SPAG16: variants seen among roughly 807,000 people sequenced by gnomAD.
SPAG16 encodes the protein sperm-associated antigen 16 protein.
A neutral mutation model predicts 80.4 loss-of-function variants in SPAG16; 86 were observed. That is an observed-to-expected ratio of 1.07 (90% CI 0.90 to 1.28). The LOEUF is 1.28. SPAG16 is among the 50% of genes most tolerant of loss of function. The probability of loss-of-function intolerance (pLI) is 0.00; values close to 1 mark genes in which losing one functional copy is unlikely to be tolerated. For synonymous variants in SPAG16, 294 were observed against 265.9 expected (o/e 1.11, Z -1.03); for missense variants, 870 against 765.3 (o/e 1.14, Z -1.61).
intron 10 of SPAG16, among the ~76,000 whole-genome samples, chr2:213,780,571 CTT>C (rs367744311): frequency 4.8e-5 from 6 of 124,600 alleles, no homozygotes; most frequent in Non-Finnish European, 8.2e-5. Flanking sequence ...TCTTTTCTTT[CTT>C]TTTTTTTTTT....
At chr2:214,095,253 T>C (rs1459361432) in intron 13 of SPAG16, among the ~76,000 whole-genome samples, 3 of 152,112 alleles carry the variant, frequency 2.0e-5, no homozygotes, top group Non-Finnish European at 4.4e-5. Flanking sequence ...GGTTGTTTTT[T>C]ATCTTTTTTC....
chr2:213,337,804 G>A (rs576326924), intron 5 of SPAG16, among the ~76,000 whole-genome samples: 1 of 148,644 alleles, frequency 6.7e-6, no homozygotes, highest in Non-Finnish European at 1.5e-5. Context: ...ACACACTTCA[G>A]GATATCATCC....
rs144545669 is a variant in SPAG16 at position 213,399,241 on chromosome 2, G to A, written c.942+24122G>A. Among the ~76,000 whole-genome samples, 463 of 152,108 alleles carry A rather than the reference G, an allele frequency of 3.0e-3. 1 individual carries two copies. Among genetic ancestry groups the A allele is most frequent in the Non-Finnish European group, 5.3e-3 (358 of 67,914 alleles). On this transcript the variant is annotated intron_variant, in intron 9 of 15. Coordinates refer to ENST00000331683, the MANE Select transcript of SPAG16 (RefSeq NM_024532.5). ...CATCTGATGTTTCAACACAAGGAAT[G>A]ATATTTATTGTCTTTGGTGGTTATT...
intron 10 of SPAG16, among the ~76,000 whole-genome samples, chr2:213,536,398 C>T (rs1024344843): frequency 1.3e-5 from 2 of 152,114 alleles, no homozygotes; most frequent in African/African-American, 4.8e-5. Flanking sequence ...CCTGAGGAAT[C>T]GCCACACTGA....
intron 10 of SPAG16, among the ~76,000 whole-genome samples, chr2:213,530,874 A>G (rs144311115): frequency 1.1e-4 from 17 of 151,730 alleles, no homozygotes; most frequent in African/African-American, 2.4e-4. Context: ...TTATGTACCA[A>G]TCATGTGTTT....
chr2:214,069,697 G>T (rs553963104), intron 13 of SPAG16, among the ~76,000 whole-genome samples: 1 of 151,984 alleles, frequency 6.6e-6, no homozygotes, highest in East Asian at 1.9e-4. Context: ...GTTCCCTTCT[G>T]TCACCTTTTT....
intron 11 of SPAG16, among the ~76,000 whole-genome samples, chr2:213,916,088 C>G (rs568550753): frequency 6.6e-6 from 1 of 152,130 alleles, no homozygotes; most frequent in Non-Finnish European, 1.5e-5. Flanking sequence ...ATGATAGTTT[C>G]TTTTGTTGTG....
intron 10 of SPAG16, among the ~76,000 whole-genome samples, chr2:213,642,962 G>C (rs920703060): frequency 6.6e-6 from 1 of 150,676 alleles, no homozygotes; most frequent in Non-Finnish European, 1.5e-5. Flanking sequence ...GGCTTTCCTT[G>C]CTCCTCAGCC....
At chr2:213,679,241 C>T (rs1486157099) in intron 10 of SPAG16, among the ~76,000 whole-genome samples, 1 of 152,112 alleles carries the variant, frequency 6.6e-6, no homozygotes, top group Non-Finnish European at 1.5e-5. Flanking sequence ...TGTAAAATTG[C>T]TTTGACTGGA....
chr2:213,420,592 A>G (rs1474374670), intron 9 of SPAG16, among the ~76,000 whole-genome samples: 1 of 152,232 alleles, frequency 6.6e-6, no homozygotes, highest in African/African-American at 2.4e-5. Flanking sequence ...AGTTGCCTTA[A>G]TACTCTTGAA....
chr2:214,105,504 A>G (rs1229538879), intron 13 of SPAG16, among the ~76,000 whole-genome samples: 1 of 152,210 alleles, frequency 6.6e-6, no homozygotes, highest in Non-Finnish European at 1.5e-5. Context: ...GTTTAAGGTC[A>G]CACAGCTATT....
At chr2:213,401,399 C>A (rs954467642) in intron 9 of SPAG16, among the ~76,000 whole-genome samples, 48 of 152,158 alleles carry the variant, frequency 3.2e-4, no homozygotes, top group Non-Finnish European at 6.2e-4. Flanking sequence ...TCAAATAATT[C>A]TATGAGGCAA....
chr2:213,725,639 C>T (rs572202800), intron 10 of SPAG16, among the ~76,000 whole-genome samples: 7 of 152,176 alleles, frequency 4.6e-5, no homozygotes, highest in African/African-American at 7.2e-5. Context: ...GAAGAGGGTG[C>T]GGCGTGTCTT....
At chr2:213,387,339 A>G (rs577431093) in intron 9 of SPAG16, among the ~76,000 whole-genome samples, 1 of 150,880 alleles carries the variant, frequency 6.6e-6, no homozygotes, top group South Asian at 2.1e-4. Context: ...TAGAAAGGAA[A>G]TTAGAAAAGA....
intron 15 of SPAG16, chr2:214,240,878 A>G (rs1166672400): frequency 6.6e-6 from 1 of 152,202 alleles, no homozygotes; most frequent in Non-Finnish European, 1.5e-5. Context: ...TGAAAAATAC[A>G]TATCTTGATG....
At chr2:213,303,503 A>AT (rs1449276884) in intron 3 of SPAG16, among the ~76,000 whole-genome samples, 3 of 151,888 alleles carry the variant, frequency 2.0e-5, no homozygotes, top group African/African-American at 7.3e-5. Flanking sequence ...CATTCTGACT[A>AT]TATTTTTGTA....
At chr2:214,360,609 G>T (rs1699122763) in intron 15 of SPAG16, among the ~76,000 whole-genome samples, 1 of 151,774 alleles carries the variant, frequency 6.6e-6, no homozygotes, top group Non-Finnish European at 1.5e-5. Flanking sequence ...GTCCACTAGG[G>T]CCAAAACTTT....
At chr2:214,013,916 C>G (rs565935465) in intron 12 of SPAG16, 35 bp from the exon 13 acceptor site, 38 of 1,604,142 alleles carry the variant, frequency 2.4e-5, no homozygotes, top group Non-Finnish European at 3.2e-5. Context: ...AGCATAGATA[C>G]TAACTCCTAA....
chr2:213,368,668 A>G (rs2066460574), intron 8 of SPAG16, among the ~76,000 whole-genome samples: 4 of 152,236 alleles, frequency 2.6e-5, no homozygotes, highest in Admixed American at 2.6e-4. Context: ...AGAAAACCCC[A>G]TCATCTCAGC....
Sources: gnomAD v4.1 joint callset for allele counts (sites outside exome capture counted in the v4.1 genomes callset) on GRCh38, gnomAD v4.1.1 for gene constraint, MANE v1.5 for transcripts, NCBI Gene and HGNC (gene_info 2026-07-23, HGNC 2026-07-21) for gene names.